The following COPE variants were observed in gnomAD, a reference collection of about 807,000 sequenced individuals.
The protein encoded by COPE is coat protein complex I subunit epsilon.
A neutral mutation model predicts 42.1 loss-of-function variants in COPE; 19 were observed. That is an observed-to-expected ratio of 0.45 (90% CI 0.31 to 0.66). The LOEUF (loss-of-function observed/expected upper bound fraction) is 0.66. Ranked by LOEUF, COPE falls within the 30% of genes least tolerant of loss-of-function variation. The pLI is 0.05. For missense variants in COPE, 402 were observed against 416.1 expected, an observed-to-expected ratio of 0.97 and a Z score of 0.30; for synonymous variants, 195 against 181.3, an observed-to-expected ratio of 1.08 and a Z score of -0.60.
intron 6 of COPE, among the ~76,000 whole-genome samples, chr19:18,903,809 ACAG>A (rs1336967249): frequency 1.3e-5 from 2 of 152,182 alleles, no homozygotes; most frequent in Non-Finnish European, 2.9e-5. Context: ...CTTGCTCAGA[ACAG>A]CAGAACACTT....
chr19:18,912,360 A>T (rs1486878569), intron 2 of COPE, among the ~76,000 whole-genome samples: 1 of 151,788 alleles, frequency 6.6e-6, no homozygotes, highest in Non-Finnish European at 1.5e-5. Context: ...TATGTTGCCC[A>T]GGCTGGTCTT....
chr19:18,900,003 T>C, intron 8 of COPE, 56 bp from the exon 9 acceptor site: 1 of 1,515,522 alleles, frequency 6.6e-7, no homozygotes, highest in Non-Finnish European at 9.0e-7. Flanking sequence ...ACGGTGGCTC[T>C]GACCTGCTGG....
chr19:18,907,340 G>A (rs1253992206), intron 3 of COPE, among the ~76,000 whole-genome samples: 1 of 152,146 alleles, frequency 6.6e-6, no homozygotes, highest in Non-Finnish European at 1.5e-5. Flanking sequence ...GATGTGGGGT[G>A]GGGCGCTCCA....
chr19:18,912,196 G>A (rs1293117570), intron 2 of COPE, among the ~76,000 whole-genome samples: 2 of 152,096 alleles, frequency 1.3e-5, no homozygotes, highest in African/African-American at 2.4e-5. Context: ...GTCCAGGCTG[G>A]AGTGCAATGG....
intron 3 of COPE, among the ~76,000 whole-genome samples, chr19:18,910,189 C>G (rs919605365): frequency 1.3e-5 from 2 of 152,196 alleles, no homozygotes; most frequent in Non-Finnish European, 2.9e-5. Flanking sequence ...AGCCCCCTCT[C>G]CCCTTGGCTG....
At chr19:18,903,510 A>T in intron 6 of COPE, 87 bp from the exon 7 acceptor site, 2 of 1,430,460 alleles carry the variant, frequency 1.4e-6, no homozygotes, top group Non-Finnish European at 1.9e-6. Context: ...GGGGGACTCC[A>T]GCACTGCACA....
chr19:18,910,824 C>G (rs748566624), intron 3 of COPE, 147 bp downstream of exon 3: 5 of 676,022 alleles, frequency 7.4e-6, no homozygotes, highest in Non-Finnish European at 1.3e-5. Flanking sequence ...AACTGAGGCA[C>G]AAAGCAGCAG....
rs200271075 is a variant in COPE at position 18,916,801 on chromosome 19, C to CA, written c.126+2421dup. 3.3e-3 allele frequency among the ~76,000 whole-genome samples: 462 copies of CA among 139,428 alleles called. 2 individuals carry two copies. The highest frequency in any genetic ancestry group is 0.011 in the African/African-American group (402 of 37,844). The allele number at this position is 139,428 out of a possible 152,430, so 91.5% of individuals were successfully genotyped here. ...AGACTCCATCTCAAAAACAAAAAAA[C>CA]AAAAAAAAAATTAGCTGGGTGTGGT... On this transcript the variant is annotated intron_variant, in intron 1 of 9. Transcript: ENST00000262812.
intron 7 of COPE, among the ~76,000 whole-genome samples, chr19:18,901,827 A>C (rs1195153086): frequency 6.6e-6 from 1 of 151,468 alleles, no homozygotes; most frequent in Non-Finnish European, 1.5e-5. Context: ...CAAACAAAAA[A>C]CCCCCCAAAA....
chr19:18,912,995 ACG>A lies in COPE; in HGVS notation c.176_177del (p.Ala59ValfsTer13). ...AGGCCCGCACTCACCTGCGCCAGGT[ACG>A]CTCTATACAGGAAGACGTCCCTCTC... is the stretch of plus-strand genomic sequence containing the variant. ...DVERDVFLYRAYLAQRKFGVV... is the reference protein window; with the variant it reads ...DVERDVFLYRXYLAQRKFGVV... On this transcript the variant is annotated frameshift_variant, in exon 2 of 10. Transcript: ENST00000262812. LOFTEE classifies it high-confidence loss of function. 6.2e-7 allele frequency: 1 copy of A among 1,612,000 alleles called. No individual in the cohort carries two copies. Among genetic ancestry groups the A allele is most frequent in the Non-Finnish European group, 8.5e-7 (1 of 1,179,874 alleles).
intron 5 of COPE, 75 bp from the exon 6 acceptor site, chr19:18,904,927 T>G: frequency 6.9e-7 from 1 of 1,439,586 alleles, no homozygotes; most frequent in Non-Finnish European, 9.5e-7. Flanking sequence ...TTGTCCCCAC[T>G]TGGGGCCCAC....
Position 18,900,465 on chromosome 19 carries a change from GAC to G in COPE, c.736-18_736-17del. ...AGCCACTATCCTGGAGACACAGGCA[GAC>G]ACGGGGAGGCAGGGTCAGCCACTCC... On this transcript the variant is annotated splice_polypyrimidine_tract_variant and intron_variant, in intron 7 of 9. Coordinates refer to ENST00000262812, the MANE Select transcript of COPE (RefSeq NM_007263.4). 6.5e-7 allele frequency: 1 copy of G among 1,543,706 alleles called. No homozygotes were observed.
At chr19:18,909,168 C>T (rs2056788229) in intron 3 of COPE, among the ~76,000 whole-genome samples, 1 of 152,248 alleles carries the variant, frequency 6.6e-6, no homozygotes. Context: ...AGCTGCTGCT[C>T]CTGGGGGACC....
intron 4 of COPE, 67 bp downstream of exon 4, chr19:18,906,893 C>T: frequency 6.7e-7 from 1 of 1,484,134 alleles, no homozygotes. Flanking sequence ...AGGCCGTGCG[C>T]AGCCTGGAGA....
intron 6 of COPE, among the ~76,000 whole-genome samples, chr19:18,904,324 G>A (rs1479012146): frequency 6.6e-6 from 1 of 152,254 alleles, no homozygotes; most frequent in Non-Finnish European, 1.5e-5. Flanking sequence ...CCAAGTCCCA[G>A]AAACCAGGAG....
intron 6 of COPE, among the ~76,000 whole-genome samples, chr19:18,904,212 G>A (rs977799565): frequency 9.2e-5 from 14 of 152,310 alleles, no homozygotes; most frequent in African/African-American, 2.9e-4. Flanking sequence ...TGATCCACCC[G>A]CCTCGGCCTC....
intron 5 of COPE, 34 bp downstream of exon 5, chr19:18,905,541 GC>G: frequency 1.3e-6 from 2 of 1,571,382 alleles, no homozygotes; most frequent in Non-Finnish European, 1.7e-6. Context: ...CTGGGCTGTG[GC>G]TCAGTGCGGG....
intron 1 of COPE, among the ~76,000 whole-genome samples, chr19:18,917,741 T>C (rs570217880): frequency 6.6e-6 from 1 of 151,254 alleles, no homozygotes; most frequent in Non-Finnish European, 1.5e-5. Context: ...AGAGAGAGAG[T>C]GGGAAGAAAA....
intron 1 of COPE, among the ~76,000 whole-genome samples, chr19:18,914,055 A>G (rs2145080732): frequency 1.3e-5 from 2 of 152,128 alleles, no homozygotes; most frequent in Admixed American, 1.3e-4. Flanking sequence ...TGCCAAGAGG[A>G]CCCAGCAGCT....
Sources: gnomAD v4.1 joint callset for allele counts (sites outside exome capture counted in the v4.1 genomes callset) on GRCh38, gnomAD v4.1.1 for gene constraint, MANE v1.5 for transcripts, NCBI Gene and HGNC (gene_info 2026-07-23, HGNC 2026-07-21) for gene names.